The following CEP128 variants were observed in gnomAD, a reference collection of about 807,000 sequenced individuals.
CEP128 encodes the protein centrosomal protein 128kDa.
A neutral mutation model predicts 156.7 loss-of-function variants in CEP128; 132 were observed. The ratio of observed to expected loss-of-function variants is 0.84; its 90% CI spans 0.73 to 0.97. The LOEUF (loss-of-function observed/expected upper bound fraction) is 0.97, where lower values mean the gene tolerates loss of function less well. Among genes scored for constraint, CEP128 ranks in the 50% least tolerant of loss-of-function variants. CEP128 has a pLI of 0.00. For missense variants in CEP128, 1,252 were observed against 1,281.9 expected (o/e 0.98, Z 0.36); for synonymous variants, 469 against 448.9 (o/e 1.04, Z -0.57).
At chr14:80,805,359 T>G (rs990375057) in intron 13 of CEP128, among the ~76,000 whole-genome samples, 5 of 152,112 alleles carry the variant, frequency 3.3e-5, no homozygotes, top group African/African-American at 1.2e-4. Flanking sequence ...TATTTTGTTC[T>G]GTAGTGGATC....
intron 2 of CEP128, among the ~76,000 whole-genome samples, chr14:80,920,755 T>C (rs578196800): frequency 2.0e-5 from 3 of 152,312 alleles, no homozygotes; most frequent in African/African-American, 7.2e-5. Context: ...ACTATGTAAT[T>C]GTTTTCTTTT....
In CEP128 at chr14:80,860,161, T is replaced by C. The variant is rs565975969; in HGVS notation, c.762+2596A>G. ...GTTTCCTCTCCTTAAACATGACCTT[T>C]CCGGAACAGTTTAAGCCATTTAACA... On this transcript the variant is annotated intron_variant, in intron 9 of 24. Coordinates refer to ENST00000555265, the MANE Select transcript of CEP128 (RefSeq NM_152446.5). Among the ~76,000 whole-genome samples the C allele has an allele frequency of 1.9e-3, 284 of 152,266 alleles. 2 individuals carry two copies. Among genetic ancestry groups the C allele is most frequent in the African/African-American group, 6.6e-3 (274 of 41,552 alleles).
intron 19 of CEP128, among the ~76,000 whole-genome samples, chr14:80,679,203 C>A (rs1896212375): frequency 6.6e-6 from 1 of 152,048 alleles, no homozygotes; most frequent in South Asian, 2.1e-4. Context: ...AATCAGTGCA[C>A]CTTGAAAATG....
At chr14:80,851,845 A>C (rs1886906729) in intron 9 of CEP128, among the ~76,000 whole-genome samples, 1 of 152,044 alleles carries the variant, frequency 6.6e-6, no homozygotes, top group Non-Finnish European at 1.5e-5. Flanking sequence ...GAATAAAGTA[A>C]TCTTAAGAAT....
At chr14:80,764,868 C>T (rs1422491865) in intron 16 of CEP128, among the ~76,000 whole-genome samples, 4 of 152,148 alleles carry the variant, frequency 2.6e-5, no homozygotes, top group Admixed American at 2.6e-4. Flanking sequence ...TGTTCCTTTC[C>T]CCTGTTTTTT....
chr14:80,773,514 T>C (rs1412883235), intron 16 of CEP128, among the ~76,000 whole-genome samples: 2 of 152,194 alleles, frequency 1.3e-5, no homozygotes, highest in Non-Finnish European at 2.9e-5. Flanking sequence ...TTTTTAAATA[T>C]ATCTACTACC....
At chr14:80,912,773 ATAAT>A (rs1884322504) in intron 4 of CEP128, among the ~76,000 whole-genome samples, 1 of 46,564 alleles carries the variant, frequency 2.1e-5, no homozygotes, top group Admixed American at 2.0e-4. Flanking sequence ...GTAAAAAAAA[ATAAT>A]AATAATAACA....
rs200322355 is a variant in CEP128 at position 80,513,561 on chromosome 14, A to ATC, written c.3073-8543_3073-8542dup. ...TTTCTTTGAAAGACTTTCTACTCTA[A>ATC]TCTCTCTCTCTCTAGCTCCTCTTTA... On this transcript the variant is annotated intron_variant, in intron 23 of 24. Coordinates refer to ENST00000555265, the MANE Select transcript of CEP128 (RefSeq NM_152446.5). Among the ~76,000 whole-genome samples the ATC allele has an allele frequency of 4.7e-4, 71 of 151,652 alleles. 1 individual carries two copies. In the East Asian group the frequency reaches 8.0e-3, roughly 17 times the overall value.
intron 16 of CEP128, among the ~76,000 whole-genome samples, chr14:80,767,186 A>G (rs1245394988): frequency 6.6e-6 from 1 of 152,148 alleles, no homozygotes; most frequent in Non-Finnish European, 1.5e-5. Context: ...GGCAGAAACT[A>G]CAAGGGCAAC....
intron 19 of CEP128, among the ~76,000 whole-genome samples, chr14:80,613,084 G>A (rs1893063783): frequency 6.9e-6 from 1 of 145,806 alleles, no homozygotes; most frequent in African/African-American, 2.6e-5. Context: ...TCGAACTCCT[G>A]AGCTCAGGCA....
At position 80,530,266 on chromosome 14, in the gene CEP128, T is replaced by TA. The variant is rs146244938; in HGVS notation, c.2958+542dup. 7.3e-3 allele frequency among the ~76,000 whole-genome samples: 1,116 copies of TA among 152,356 alleles called. 5 individuals carry two copies. Among genetic ancestry groups the TA allele is most frequent in the Non-Finnish European group, 0.012 (817 of 68,030 alleles). On this transcript the variant is annotated intron_variant, in intron 22 of 24. Coordinates refer to ENST00000555265, the MANE Select transcript of CEP128 (RefSeq NM_152446.5). ...TTGCATATCTCCTCTATGAGGAATT[T>TA]AAAAAACTACACAATGTAAATTAAC...
At chr14:80,604,532 G>T (rs1165604112) in intron 19 of CEP128, among the ~76,000 whole-genome samples, 1 of 152,002 alleles carries the variant, frequency 6.6e-6, no homozygotes, top group Non-Finnish European at 1.5e-5. Context: ...AGCATTATCT[G>T]CAATGTCCTT....
rs1212655719 is a variant in CEP128 at position 80,497,591 on chromosome 14, G to A, written c.3182-9C>T. 6.3e-7 allele frequency: 1 copy of A among 1,591,954 alleles called. No individual in the cohort carries two copies. On this transcript the variant is annotated splice_polypyrimidine_tract_variant and intron_variant, in intron 24 of 24. Transcript: ENST00000555265. ...AGTTCTTTTGGTAAATGCTGGCAAGGTAAGAAGAAAAAGAAAAATAAACCT... is the reference window on the plus strand; with the variant it reads ...AGTTCTTTTGGTAAATGCTGGCAAGATAAGAAGAAAAAGAAAAATAAACCT...
At chr14:80,628,258 T>C (rs1048223625) in intron 19 of CEP128, among the ~76,000 whole-genome samples, 1 of 152,164 alleles carries the variant, frequency 6.6e-6, no homozygotes, top group African/African-American at 2.4e-5. Flanking sequence ...AAAAAGTCTT[T>C]CCTTTCCTAT....
At chr14:80,678,264 A>G (rs1896171536) in intron 19 of CEP128, among the ~76,000 whole-genome samples, 1 of 151,760 alleles carries the variant, frequency 6.6e-6, no homozygotes, top group African/African-American at 2.4e-5. Context: ...TCCAAATCTC[A>G]CTGAAAAAGA....
chr14:80,939,030 C>G (rs887659783), intron 2 of CEP128, among the ~76,000 whole-genome samples: 1 of 152,162 alleles, frequency 6.6e-6, no homozygotes, highest in Non-Finnish European at 1.5e-5. Context: ...ATTAAATAAC[C>G]TGAGACTCAA....
intron 13 of CEP128, among the ~76,000 whole-genome samples, chr14:80,803,374 T>C (rs1264701638): frequency 6.9e-6 from 1 of 143,902 alleles, no homozygotes; most frequent in Admixed American, 6.9e-5. Context: ...AAAAAATAGG[T>C]AGTGGCTAAG....
At chr14:80,774,866 G>T (rs1031983047) in intron 16 of CEP128, among the ~76,000 whole-genome samples, 16 of 152,160 alleles carry the variant, frequency 1.1e-4, no homozygotes, top group African/African-American at 3.6e-4. Flanking sequence ...TTTCACATGT[G>T]TGCCTCCTCT....
intron 19 of CEP128, among the ~76,000 whole-genome samples, chr14:80,714,700 GAACT>G (rs151275175): frequency 0.065 from 9,847 of 150,984 alleles, 1,047 homozygotes; most frequent in African/African-American, 0.23. Context: ...CAACAACCAA[GAACT>G]ACTCTCCCCA....
Sources: gnomAD v4.1 joint callset for allele counts (sites outside exome capture counted in the v4.1 genomes callset) on GRCh38, gnomAD v4.1.1 for gene constraint, MANE v1.5 for transcripts, NCBI Gene and HGNC (gene_info 2026-07-23, HGNC 2026-07-21) for gene names.